The following NRXN3 variants were observed in gnomAD, a reference collection of about 807,000 sequenced individuals.
The protein encoded by NRXN3 is neurexin 3.
Under a neutral mutation model 137.6 loss-of-function variants are expected in NRXN3, and 32 were observed. The observed-to-expected ratio is 0.23, with a 90% CI of 0.18 to 0.31. The LOEUF (loss-of-function observed/expected upper bound fraction) is 0.31. NRXN3 is among the 10% of genes least tolerant of loss of function. The pLI, the probability that NRXN3 is intolerant of heterozygous loss-of-function variation, is 1.00. For synonymous variants in NRXN3, 798 were observed against 784.5 expected (o/e 1.02, Z -0.29); for missense variants, 1,574 against 2,062.5 (o/e 0.76, Z 4.59).
At chr14:78,540,801 A>C (rs1276271675) in intron 4 of NRXN3, among the ~76,000 whole-genome samples, 1 of 152,168 alleles carries the variant, frequency 6.6e-6, no homozygotes, top group Non-Finnish European at 1.5e-5. Context: ...GAGCTCTTGT[A>C]AGACAGGTCT....
intron 1 of NRXN3, among the ~76,000 whole-genome samples, chr14:78,224,422 C>G (rs1473212602): frequency 6.6e-6 from 1 of 152,008 alleles, no homozygotes; most frequent in Non-Finnish European, 1.5e-5. Flanking sequence ...CTATCCCTCC[C>G]CACTCGCCCC....
chr14:79,256,061 C>G lies in NRXN3; in HGVS notation c.3263-211160C>G, dbSNP rs543422419. Among the ~76,000 whole-genome samples, 122 of 152,126 alleles carry G rather than the reference C, an allele frequency of 8.0e-4. 1 individual carries two copies. The highest frequency in any genetic ancestry group is 2.6e-3 in the African/African-American group (110 of 41,518). On this transcript the variant is annotated intron_variant, in intron 15 of 20. Transcript: ENST00000335750. Reference sequence around the variant, plus strand: ...CAGGGTGAATACTGTGCCTACTACCCATATTAAATGCATTTCTTTATGTCC... The same window carrying G: ...CAGGGTGAATACTGTGCCTACTACCGATATTAAATGCATTTCTTTATGTCC...
chr14:78,763,237 T>A (rs2098698562), intron 8 of NRXN3, among the ~76,000 whole-genome samples: 1 of 152,206 alleles, frequency 6.6e-6, no homozygotes, highest in African/African-American at 2.4e-5. Flanking sequence ...GAGGCTTAAC[T>A]GTAAAGGAAG....
At chr14:79,079,863 C>T (rs906406270) in intron 15 of NRXN3, among the ~76,000 whole-genome samples, 1 of 152,030 alleles carries the variant, frequency 6.6e-6, no homozygotes, top group Non-Finnish European at 1.5e-5. Context: ...TGGTGCACAC[C>T]TGTAATCCCA....
Position 79,861,433 on chromosome 14 carries a change from C to T in NRXN3, c.4185C>T (p.Ser1395=), listed in dbSNP as rs1048663441. ...AGGACTTTAGACCTAACAAAGTCTC[C>T]GAAACTAGTAGGACTACTACCACAT... ...ESKDFRPNKV[S]ETSRTTTTSL... is the part of the protein sequence containing the mutation. Residue 1395 remains serine, a synonymous_variant, in exon 21 of 21, where the codon TCC becomes TCT. Coordinates refer to ENST00000335750, the MANE Select transcript of NRXN3 (RefSeq NM_001330195.2). This position sits in a 1 kb window ranked among gnomAD's most constrained non-coding sequence, Gnocchi z 5.4. 17 of 1,536,418 alleles carry T rather than the reference C, an allele frequency of 1.1e-5. No individual in the cohort carries two copies. The Admixed American group carries it at 1.2e-4, about 11-fold the overall frequency.
intron 16 of NRXN3, among the ~76,000 whole-genome samples, chr14:79,635,986 G>T (rs1259511406): frequency 6.6e-6 from 1 of 151,920 alleles, no homozygotes; most frequent in African/African-American, 2.4e-5. Context: ...CTCCTTACTG[G>T]GTCCCTCCCA....
intron 19 of NRXN3, among the ~76,000 whole-genome samples, chr14:79,756,654 C>T (rs1478430840): frequency 1.3e-5 from 2 of 152,112 alleles, no homozygotes; most frequent in African/African-American, 2.4e-5. Context: ...GGGAGTTTTC[C>T]AATCTAACTT....
intron 1 of NRXN3, among the ~76,000 whole-genome samples, chr14:78,180,402 A>G (rs1392571507): frequency 1.3e-5 from 2 of 152,214 alleles, no homozygotes; most frequent in Admixed American, 6.5e-5. Flanking sequence ...ATATTTTCTC[A>G]TTGGCTAAGA....
chr14:79,711,355 T>TCAAC (rs1040361280), intron 19 of NRXN3, among the ~76,000 whole-genome samples: 2 of 152,188 alleles, frequency 1.3e-5, no homozygotes, highest in Admixed American at 6.5e-5. Context: ...GGCAAATTGC[T>TCAAC]CAACCACTTT....
intron 15 of NRXN3, among the ~76,000 whole-genome samples, chr14:79,328,160 T>C (rs1228402357): frequency 2.6e-5 from 4 of 152,154 alleles, no homozygotes; most frequent in Non-Finnish European, 2.9e-5. Flanking sequence ...AAAGAAATTA[T>C]TATAAATGTA....
At chr14:78,614,066 T>C (rs977005918) in intron 4 of NRXN3, among the ~76,000 whole-genome samples, 2 of 152,194 alleles carry the variant, frequency 1.3e-5, no homozygotes. Context: ...TTCCTGCACA[T>C]CAGTGCCGTC....
chr14:78,214,728 C>T (rs1262856882), intron 1 of NRXN3, among the ~76,000 whole-genome samples: 1 of 152,208 alleles, frequency 6.6e-6, no homozygotes, highest in Non-Finnish European at 1.5e-5. Flanking sequence ...GCCCAGCCTC[C>T]TTGTCTTGCA....
intron 16 of NRXN3, among the ~76,000 whole-genome samples, chr14:79,561,418 T>G (rs1171794526): frequency 1.3e-5 from 2 of 152,166 alleles, no homozygotes; most frequent in Non-Finnish European, 2.9e-5. Context: ...GCTATTTAAA[T>G]ATATCTGTGG....
chr14:78,484,302 A>G (rs1262436727), intron 4 of NRXN3, among the ~76,000 whole-genome samples: 2 of 152,184 alleles, frequency 1.3e-5, no homozygotes, highest in South Asian at 2.1e-4. Flanking sequence ...GGTGTTTTCA[A>G]TTTAACTTAC....
At chr14:78,189,580 G>A (rs537867615) in intron 1 of NRXN3, among the ~76,000 whole-genome samples, 3 of 151,792 alleles carry the variant, frequency 2.0e-5, no homozygotes, top group Non-Finnish European at 4.4e-5. Flanking sequence ...GCAATTTTCC[G>A]GGCCATTTTT....
chr14:78,628,075 T>C (rs1037564928), intron 4 of NRXN3, among the ~76,000 whole-genome samples: 8 of 151,582 alleles, frequency 5.3e-5, no homozygotes, highest in Non-Finnish European at 1.2e-4. Flanking sequence ...AGAGTTCTTT[T>C]TTTTTTTTTT....
chr14:78,575,655 G>A (rs149610910), intron 4 of NRXN3, among the ~76,000 whole-genome samples: 1 of 152,170 alleles, frequency 6.6e-6, no homozygotes, highest in African/African-American at 2.4e-5. Context: ...CGAGTCATAA[G>A]TAATCTACAA....
intron 4 of NRXN3, among the ~76,000 whole-genome samples, chr14:78,365,111 G>A (rs889197171): frequency 2.0e-5 from 3 of 151,566 alleles, no homozygotes; most frequent in African/African-American, 7.3e-5. Context: ...TTTTGATGTA[G>A]GTTTTATAGT....
chr14:78,286,035 G>A (rs1211740372), intron 3 of NRXN3, among the ~76,000 whole-genome samples: 1 of 152,134 alleles, frequency 6.6e-6, no homozygotes, highest in African/African-American at 2.4e-5. Flanking sequence ...AGATCACTGG[G>A]CCTTGGTGCT....
Sources: gnomAD v4.1 joint callset for allele counts (sites outside exome capture counted in the v4.1 genomes callset) on GRCh38, gnomAD v4.1.1 for gene constraint, Gnocchi (gnomAD v3.1) non-coding constraint, MANE v1.5 for transcripts, NCBI Gene and HGNC (gene_info 2026-07-23, HGNC 2026-07-21) for gene names.